FAM110B: variants seen among roughly 807,000 people sequenced by gnomAD.
The protein encoded by FAM110B is family with sequence similarity 110 member B.
Under a neutral mutation model 20.4 loss-of-function variants are expected in FAM110B, and 6 were observed. The observed-to-expected ratio is 0.29, with a 90% CI of 0.16 to 0.58. The LOEUF is 0.58. FAM110B is among the 20% of genes least tolerant of loss of function. The pLI is 0.90. For missense variants in FAM110B, 434 were observed against 498.2 expected (o/e 0.87, Z 1.23); for synonymous variants, 226 against 214.1 (o/e 1.06, Z -0.49).
At chr8:58,109,268 A>G (rs1806995606) in intron 3 of FAM110B, among the ~76,000 whole-genome samples, 1 of 152,204 alleles carries the variant, frequency 6.6e-6, no homozygotes, top group African/African-American at 2.4e-5. Context: ...GGAAGTTTGA[A>G]TCAATTACCA....
intron 1 of FAM110B, among the ~76,000 whole-genome samples, chr8:58,006,917 A>ATTTTTTT (rs199509693): frequency 4.8e-5 from 4 of 84,176 alleles, no homozygotes; most frequent in Non-Finnish European, 1.0e-4. Context: ...ATATATATAT[A>ATTTTTTT]TATATATTTT....
In FAM110B at chr8:58,146,526, A is replaced by G. The variant is rs1803868776; in HGVS notation, c.296A>G (p.Lys99Arg). Residue 99 changes from lysine (K) to arginine (R), a missense_variant, in exon 4 of 4, where the codon AAA becomes AGA. Physicochemically the swap from Lys to Arg is conservative, Grantham distance 26. Around this residue, in one of 3 missense-constraint regions of FAM110B, gnomAD observed 284 missense variants for 278.3 expected, o/e 1.02. Transcript: ENST00000519262. ...AKRALGSPTL[K>R]VFGNHAKTES... The stretch of plus-strand genomic sequence containing the variant: ...CGCGCACTGGGCAGCCCCACGCTCA[A>G]AGTGTTCGGCAACCACGCCAAGACC... 6.2e-7 allele frequency: 1 copy of G among 1,613,834 alleles called. No homozygotes were observed. Among genetic ancestry groups the G allele is most frequent in the Non-Finnish European group, 8.5e-7 (1 of 1,179,940 alleles).
chr8:58,105,297 G>T (rs967549893), intron 3 of FAM110B, among the ~76,000 whole-genome samples: 1 of 152,082 alleles, frequency 6.6e-6, no homozygotes, highest in Non-Finnish European at 1.5e-5. Context: ...GAAACCTCAG[G>T]CTCCTCAGGA....
At chr8:58,002,779 A>G (rs1798991746) in intron 1 of FAM110B, among the ~76,000 whole-genome samples, 1 of 152,226 alleles carries the variant, frequency 6.6e-6, no homozygotes, top group South Asian at 2.1e-4. Flanking sequence ...ATTGCTAAAA[A>G]ATGCTGATGA....
chr8:58,021,167 A>C (rs1238173926), intron 1 of FAM110B, among the ~76,000 whole-genome samples: 2 of 152,156 alleles, frequency 1.3e-5, no homozygotes, highest in African/African-American at 4.8e-5. Flanking sequence ...TTGCCCCCGG[A>C]TGCTGATTGG....
In FAM110B at chr8:58,147,538, C is replaced by A. The variant is rs566221212; in HGVS notation, c.*195C>A. On this transcript the variant is annotated 3_prime_UTR_variant, in exon 4 of 4. Coordinates refer to ENST00000519262, the MANE Select transcript of FAM110B (RefSeq NM_001377989.1). Reference sequence around the variant, plus strand: ...CATCGCTACAGAGCCTGGCTGAACACGCGTCATCTGCCAAAAGTTTCAGGC... The same window carrying A: ...CATCGCTACAGAGCCTGGCTGAACAAGCGTCATCTGCCAAAAGTTTCAGGC... The A allele has an allele frequency of 1.0e-3, 662 of 663,936 alleles. 6 individuals carry two copies. The Middle Eastern group carries it at 0.013, about 13-fold the overall frequency. 41.1% of individuals were successfully genotyped at this position (663,936 alleles called of 1,614,324 possible). A position where few individuals can be genotyped will look rare whatever the true frequency, so the allele number is the denominator to read the frequency against.
At chr8:58,097,954 G>A (rs147112166) in intron 3 of FAM110B, among the ~76,000 whole-genome samples, 4,449 of 152,290 alleles carry the variant, frequency 0.029, 92 homozygotes, top group Middle Eastern at 0.054. Flanking sequence ...AGGGGCACCC[G>A]CCAGATGCCA....
chr8:58,069,729 G>A (rs980025036), intron 2 of FAM110B, among the ~76,000 whole-genome samples: 2 of 152,176 alleles, frequency 1.3e-5, no homozygotes, highest in Non-Finnish European at 2.9e-5. Flanking sequence ...TGACAAATAT[G>A]TGGCAAATTG....
At chr8:58,096,705 C>T (rs1806641887) in intron 3 of FAM110B, among the ~76,000 whole-genome samples, 1 of 152,140 alleles carries the variant, frequency 6.6e-6, no homozygotes, top group South Asian at 2.1e-4. Flanking sequence ...ATGTTTAGTG[C>T]TTCCTTCAGG....
chr8:58,079,687 G>C (rs1806141214), intron 3 of FAM110B, among the ~76,000 whole-genome samples: 1 of 151,996 alleles, frequency 6.6e-6, no homozygotes, highest in African/African-American at 2.4e-5. Context: ...AGGCTGAGGT[G>C]GGAGGATTGC....
intron 3 of FAM110B, among the ~76,000 whole-genome samples, chr8:58,103,002 GA>G (rs60027491): frequency 0.078 from 7,736 of 98,868 alleles, 196 homozygotes; most frequent in East Asian, 0.21. Flanking sequence ...TGCTTGTTAT[GA>G]AAAAAAAAAA....
intron 3 of FAM110B, chr8:58,099,071 G>A (rs1415487191): frequency 6.6e-6 from 1 of 152,158 alleles, no homozygotes; most frequent in East Asian, 1.9e-4. Context: ...TTGATAGGAG[G>A]TTTTGTAGGT....
chr8:58,141,871 G>A (rs573237742), intron 3 of FAM110B, among the ~76,000 whole-genome samples: 17 of 152,340 alleles, frequency 1.1e-4, no homozygotes, highest in African/African-American at 3.8e-4. Context: ...GGCCTCAGAG[G>A]CTTTGAGGCA....
At chr8:58,061,300 C>T (rs748134312) in intron 2 of FAM110B, among the ~76,000 whole-genome samples, 49 of 152,156 alleles carry the variant, frequency 3.2e-4, no homozygotes, top group Non-Finnish European at 6.3e-4. Flanking sequence ...GCTCATCTGT[C>T]GGATACTTTG....
intron 1 of FAM110B, among the ~76,000 whole-genome samples, chr8:57,998,894 A>G (rs1804237036): frequency 6.6e-6 from 1 of 152,220 alleles, no homozygotes; most frequent in Admixed American, 6.5e-5. Flanking sequence ...ATGAACTTAA[A>G]TCATGCCTAT....
chr8:58,030,046 G>A lies in FAM110B; in HGVS notation c.-511-1560G>A, dbSNP rs368639183. Among the ~76,000 whole-genome samples, 199 of 152,200 alleles carry A rather than the reference G, an allele frequency of 1.3e-3. 6 individuals carry two copies. The South Asian group carries it at 0.039, about 30-fold the overall frequency. ...AATTTTTGGCCAAAATAAAAGTATT[G>A]GTTGCAAAATATTAAAATACAGAAC... is the stretch of plus-strand genomic sequence containing the variant. On this transcript the variant is annotated intron_variant, in intron 1 of 3. Transcript: ENST00000519262.
intron 1 of FAM110B, among the ~76,000 whole-genome samples, chr8:58,010,305 C>T (rs561567192): frequency 7.6e-4 from 116 of 151,870 alleles, no homozygotes; most frequent in Non-Finnish European, 1.2e-3. Flanking sequence ...TACAGGTGTG[C>T]GCCACCATGC....
At chr8:58,101,966 T>G (rs1806789564) in intron 3 of FAM110B, among the ~76,000 whole-genome samples, 2 of 152,228 alleles carry the variant, frequency 1.3e-5, no homozygotes, top group Admixed American at 1.3e-4. Flanking sequence ...CAACTTGTAT[T>G]TCTGCCATTT....
intron 3 of FAM110B, among the ~76,000 whole-genome samples, chr8:58,092,844 C>T (rs969739023): frequency 6.6e-6 from 1 of 152,220 alleles, no homozygotes; most frequent in African/African-American, 2.4e-5. Flanking sequence ...AATGGTTGAA[C>T]TAATTTACAC....
Sources: allele counts gnomAD v4.1 joint callset (sites outside exome capture counted in the v4.1 genomes callset), GRCh38; gene constraint gnomAD v4.1.1; regional missense constraint gnomAD v4.1.1; transcripts MANE v1.5; gene names NCBI Gene and HGNC (gene_info 2026-07-23, HGNC 2026-07-21).